CTNNA2: variants seen among roughly 807,000 people sequenced by gnomAD.
The protein encoded by CTNNA2 is catenin alpha 2.
A neutral mutation model predicts 101.0 loss-of-function variants in CTNNA2; 42 were observed. The ratio of observed to expected loss-of-function variants is 0.42; its 90% CI spans 0.32 to 0.54. The LOEUF is 0.54. Among genes scored for constraint, CTNNA2 ranks in the 20% least tolerant of loss-of-function variants. CTNNA2 has a pLI of 0.14. For synonymous variants in CTNNA2, 450 were observed against 456.4 expected (o/e 0.99, Z 0.18); for missense variants, 871 against 1,223.1 (o/e 0.71, Z 4.29).
At chr2:79,236,200 A>G (rs567895197) in intron 2 of CTNNA2, among the ~76,000 whole-genome samples, 2 of 152,274 alleles carry the variant, frequency 1.3e-5, no homozygotes, top group South Asian at 2.1e-4. Context: ...TGGTGCAATC[A>G]TAACTCCCTG....
chr2:79,702,904 T>G (rs953078610), intron 2 of CTNNA2, among the ~76,000 whole-genome samples: 3 of 152,164 alleles, frequency 2.0e-5, no homozygotes, highest in African/African-American at 7.2e-5. Context: ...AACTTCTGGG[T>G]CCTAAAGATG....
chr2:79,609,337 A>G (rs555730963), intron 1 of CTNNA2, among the ~76,000 whole-genome samples: 34 of 152,064 alleles, frequency 2.2e-4, no homozygotes, highest in Non-Finnish European at 4.4e-4. Flanking sequence ...TAGCATAAGT[A>G]TATTCATCTT....
chr2:79,581,426 G>A (rs960785849), intron 1 of CTNNA2, among the ~76,000 whole-genome samples: 3 of 152,116 alleles, frequency 2.0e-5, no homozygotes, highest in African/African-American at 7.2e-5. Flanking sequence ...TAGGGAGGTT[G>A]AGGCAGGAGA....
At chr2:79,226,456 TG>T (rs1333393306) in intron 2 of CTNNA2, among the ~76,000 whole-genome samples, 1 of 118,466 alleles carries the variant, frequency 8.4e-6, no homozygotes, top group Non-Finnish European at 1.8e-5. Flanking sequence ...AGTTATTTTT[TG>T]TGGCCACGTT....
At chr2:79,873,340 C>A (rs1392927603) in intron 5 of CTNNA2, among the ~76,000 whole-genome samples, 1 of 151,998 alleles carries the variant, frequency 6.6e-6, no homozygotes, top group Non-Finnish European at 1.5e-5. Flanking sequence ...TCTTATAGGC[C>A]AGCCACTTTG....
At chr2:79,800,407 C>T (rs1307386996) in intron 3 of CTNNA2, among the ~76,000 whole-genome samples, 1 of 152,134 alleles carries the variant, frequency 6.6e-6, no homozygotes, top group Non-Finnish European at 1.5e-5. Context: ...TCTGAATGAA[C>T]ATTGACTTCC....
chr2:80,064,677 T>G (rs1697851887), intron 7 of CTNNA2, among the ~76,000 whole-genome samples: 2 of 152,218 alleles, frequency 1.3e-5, no homozygotes, highest in South Asian at 4.1e-4. Flanking sequence ...CAGGGTAGCC[T>G]GGACTTCTTT....
At chr2:79,666,069 C>G (rs1041434000) in intron 2 of CTNNA2, among the ~76,000 whole-genome samples, 4 of 152,266 alleles carry the variant, frequency 2.6e-5, no homozygotes, top group African/African-American at 9.6e-5. Context: ...ACACAAAAAT[C>G]TCTTTTGCAG....
At chr2:80,129,983 G>T (rs1702327301) in intron 7 of CTNNA2, among the ~76,000 whole-genome samples, 1 of 152,112 alleles carries the variant, frequency 6.6e-6, no homozygotes, top group Non-Finnish European at 1.5e-5. Context: ...GTCAGTGTGG[G>T]AATTGCTCAG....
At chr2:79,330,323 A>C (rs1295319857) in intron 3 of CTNNA2, among the ~76,000 whole-genome samples, 1 of 152,206 alleles carries the variant, frequency 6.6e-6, no homozygotes, top group Non-Finnish European at 1.5e-5. Context: ...TTCAAGACTC[A>C]GAGTTTGTAG....
chr2:80,443,503 T>C (rs1682779724), intron 9 of CTNNA2, among the ~76,000 whole-genome samples: 1 of 152,168 alleles, frequency 6.6e-6, no homozygotes, highest in South Asian at 2.1e-4. Context: ...AAAGCTAACA[T>C]TCATGGCCTA....
intron 7 of CTNNA2, among the ~76,000 whole-genome samples, chr2:80,227,158 T>C (rs1708934143): frequency 1.3e-5 from 2 of 152,322 alleles, no homozygotes; most frequent in African/African-American, 4.8e-5. Context: ...TTATATCTTA[T>C]TGCTTAGTGG....
chr2:80,061,663 A>C (rs1460553251), intron 7 of CTNNA2, among the ~76,000 whole-genome samples: 1 of 151,796 alleles, frequency 6.6e-6, no homozygotes, highest in Non-Finnish European at 1.5e-5. Flanking sequence ...TTTTGTTCAA[A>C]TATATATATA....
rs993804561 is a variant in CTNNA2, at chr2:80,441,828, G to T, written c.1290+22227G>T. 3.3e-5 allele frequency among the ~76,000 whole-genome samples: 5 copies of T among 152,178 alleles called. 1 individual carries two copies. The highest frequency in any genetic ancestry group is 1.3e-4 in the Admixed American group (2 of 15,288). ...AGGAGAGGTCATGATGTTCTCGAAG[G>T]CCTGATTCAGAAGAGGCAAGAGGTG... On this transcript the variant is annotated intron_variant, in intron 9 of 18. Transcript: ENST00000402739.
intron 18 of CTNNA2, among the ~76,000 whole-genome samples, chr2:80,635,525 C>G (rs1672779827): frequency 6.6e-6 from 1 of 152,078 alleles, no homozygotes; most frequent in Non-Finnish European, 1.5e-5. Flanking sequence ...ACATATGTGT[C>G]TAACATTTTA....
intron 3 of CTNNA2, among the ~76,000 whole-genome samples, chr2:79,804,475 T>G (rs1204882784): frequency 6.6e-6 from 1 of 152,168 alleles, no homozygotes. Context: ...AGTTCTTATT[T>G]GGAGTAGTTG....
chr2:79,862,867 C>A (rs759565631), intron 4 of CTNNA2, among the ~76,000 whole-genome samples: 9 of 152,092 alleles, frequency 5.9e-5, no homozygotes, highest in Non-Finnish European at 7.4e-5. Flanking sequence ...AACAGAAAAC[C>A]TAATTCTACC....
intron 7 of CTNNA2, among the ~76,000 whole-genome samples, chr2:80,116,805 A>G (rs749729203): frequency 2.0e-4 from 30 of 152,140 alleles, no homozygotes; most frequent in Non-Finnish European, 4.3e-4. Flanking sequence ...TCTTGTGGGC[A>G]TATTGAGTTC....
chr2:79,556,258 AT>A, intron 1 of CTNNA2, among the ~76,000 whole-genome samples: 1 of 151,996 alleles, frequency 6.6e-6, no homozygotes, highest in East Asian at 1.9e-4. Context: ...GGTTTCATGC[AT>A]TTGTTCAGTA....
Sources: allele counts gnomAD v4.1 joint callset (sites outside exome capture counted in the v4.1 genomes callset), GRCh38; gene constraint gnomAD v4.1.1; transcripts MANE v1.5; gene names NCBI Gene and HGNC (gene_info 2026-07-23, HGNC 2026-07-21).